APP: variants seen among roughly 807,000 people sequenced by gnomAD.
APP encodes the protein amyloid beta precursor protein.
A neutral mutation model predicts 101.4 loss-of-function variants in APP; 31 were observed. The ratio of observed to expected loss-of-function variants is 0.31; its 90% confidence interval spans 0.23 to 0.41. APP has a LOEUF of 0.41. APP is among the 10% of genes least tolerant of loss of function. The pLI is 1.00. For missense variants in APP, 839 were observed against 1,003.7 expected, an observed-to-expected ratio of 0.84 and a Z score of 2.22; for synonymous variants, 366 against 364.4, an observed-to-expected ratio of 1.00 and a Z score of -0.05.
chr21:26,017,296 C>CA (rs2044137372), intron 6 of APP, among the ~76,000 whole-genome samples: 2 of 143,934 alleles, frequency 1.4e-5, no homozygotes, highest in Non-Finnish European at 3.0e-5. Context: ...GGTTTAAAGA[C>CA]AGAGAATCAC....
At chr21:26,138,252 C>A (rs1008603653) in intron 1 of APP, among the ~76,000 whole-genome samples, 4 of 151,962 alleles carry the variant, frequency 2.6e-5, no homozygotes, top group African/African-American at 9.7e-5. Flanking sequence ...AAAATGTGGT[C>A]AATTTTTGAA....
At chr21:26,007,063 C>CT (rs1178496414) in intron 6 of APP, among the ~76,000 whole-genome samples, 1 of 151,656 alleles carries the variant, frequency 6.6e-6, no homozygotes, top group Non-Finnish European at 1.5e-5. Flanking sequence ...ATTTTCTGAA[C>CT]TTTTTTTTAA....
intron 13 of APP, among the ~76,000 whole-genome samples, chr21:25,931,109 T>C (rs2040126669): frequency 1.3e-5 from 2 of 152,220 alleles, no homozygotes; most frequent in Non-Finnish European, 2.9e-5. Flanking sequence ...CAATTTCTTT[T>C]CACTTGAAGG....
intron 1 of APP, among the ~76,000 whole-genome samples, chr21:26,148,575 A>G (rs2063201140): frequency 6.6e-6 from 1 of 152,224 alleles, no homozygotes; most frequent in Non-Finnish European, 1.5e-5. Flanking sequence ...AATGTTATCA[A>G]TGAAATGTTG....
intron 2 of APP, among the ~76,000 whole-genome samples, chr21:26,092,627 A>C (rs1289287714): frequency 6.6e-6 from 1 of 152,226 alleles, no homozygotes; most frequent in African/African-American, 2.4e-5. Flanking sequence ...ACATTTGTCC[A>C]AACCCAAAAA....
Position 26,022,423 on chromosome 21 carries a change from T to C in APP, c.663-381A>G, listed in dbSNP as rs1156817607. Among the ~76,000 whole-genome samples the C allele has an allele frequency of 2.0e-5, 3 of 152,136 alleles. No homozygotes were observed. The East Asian group carries it at 5.8e-4, about 29-fold the overall frequency. ...CGATACTGTCATAAGTAATAATAGATACACAGCATTAAGCATTTGTCAAAA... is the reference window on the plus strand; with the variant it reads ...CGATACTGTCATAAGTAATAATAGACACACAGCATTAAGCATTTGTCAAAA... On this transcript the variant is annotated intron_variant, in intron 5 of 17. Coordinates refer to ENST00000346798, the MANE Select transcript of APP (RefSeq NM_000484.4).
At chr21:26,113,692 G>A (rs1310337416) in intron 1 of APP, among the ~76,000 whole-genome samples, 1 of 152,156 alleles carries the variant, frequency 6.6e-6, no homozygotes, top group Non-Finnish European at 1.5e-5. Flanking sequence ...CACTTCCTGT[G>A]ACTTCCATGA....
intron 5 of APP, among the ~76,000 whole-genome samples, chr21:26,026,524 TA>T (rs149713497): frequency 0.021 from 3,207 of 152,364 alleles, 103 homozygotes; most frequent in African/African-American, 0.073. Flanking sequence ...TGCCGCCTGA[TA>T]AGTCCCTTTA....
chr21:26,116,668 A>G (rs1568994368), intron 1 of APP, among the ~76,000 whole-genome samples: 1 of 152,168 alleles, frequency 6.6e-6, no homozygotes, highest in Non-Finnish European at 1.5e-5. Context: ...CTGTTTTGCT[A>G]GCTGAGAGGT....
chr21:26,069,535 C>T (rs940464796), intron 3 of APP, among the ~76,000 whole-genome samples: 3 of 152,162 alleles, frequency 2.0e-5, no homozygotes, highest in African/African-American at 7.2e-5. Flanking sequence ...CATCACTGCA[C>T]ATATCACCAA....
intron 3 of APP, among the ~76,000 whole-genome samples, chr21:26,055,375 G>A (rs1568918441): frequency 6.6e-6 from 1 of 152,124 alleles, no homozygotes; most frequent in Non-Finnish European, 1.5e-5. Flanking sequence ...ACATGATAAT[G>A]CAAATGATAC....
chr21:25,904,348 CTG>C (rs1434436077), intron 15 of APP, among the ~76,000 whole-genome samples: 3 of 152,076 alleles, frequency 2.0e-5, no homozygotes, highest in African/African-American at 4.8e-5. Context: ...GTTTGTGAAA[CTG>C]TAAAAAAAGA....
At chr21:26,004,588 G>A (rs189590213) in intron 6 of APP, among the ~76,000 whole-genome samples, 2,038 of 152,098 alleles carry the variant, frequency 0.013, 49 homozygotes, top group African/African-American at 0.045. Context: ...CACCGCGCCC[G>A]GCCTCTATTA....
At chr21:26,168,958 C>T (rs2063677634) in intron 1 of APP, among the ~76,000 whole-genome samples, 1 of 152,082 alleles carries the variant, frequency 6.6e-6, no homozygotes, top group Non-Finnish European at 1.5e-5. Flanking sequence ...AAAACATCTG[C>T]CCGGAAATTG....
intron 13 of APP, among the ~76,000 whole-genome samples, chr21:25,930,697 A>G (rs2040109892): frequency 6.6e-6 from 1 of 152,184 alleles, no homozygotes; most frequent in Non-Finnish European, 1.5e-5. Flanking sequence ...ATTTATGCAG[A>G]TTTTAAAAAG....
At chr21:25,999,446 G>C (rs2043189130) in intron 7 of APP, among the ~76,000 whole-genome samples, 1 of 152,066 alleles carries the variant, frequency 6.6e-6, no homozygotes, top group African/African-American at 2.4e-5. Flanking sequence ...GGCAAGACGG[G>C]CACTTCTACC....
intron 5 of APP, among the ~76,000 whole-genome samples, chr21:26,039,201 C>T (rs1253978681): frequency 2.0e-5 from 3 of 152,134 alleles, no homozygotes; most frequent in Non-Finnish European, 2.9e-5. Context: ...TTATCTAACA[C>T]GTATTAACAT....
At chr21:25,910,109 A>G (rs1290599017) in intron 14 of APP, among the ~76,000 whole-genome samples, 1 of 151,906 alleles carries the variant, frequency 6.6e-6, no homozygotes, top group Admixed American at 6.6e-5. Context: ...GTTATAAGGT[A>G]TATATATTTT....
At position 25,897,655 on chromosome 21, in the gene APP, A is replaced by C; in HGVS notation, c.1982T>G (p.Ile661Ser). 1 of 1,613,676 alleles carries C rather than the reference A, an allele frequency of 6.2e-7. No individual in the cohort carries two copies. Among genetic ancestry groups the C allele is most frequent in the Non-Finnish European group, 8.5e-7 (1 of 1,179,640 alleles). Reference sequence around the variant, plus strand: ...CACTTCAGAGATCTCCTCCGTCTTGATATTTGTCAACCCAGAACCTGTATT... The same window carrying C: ...CACTTCAGAGATCTCCTCCGTCTTGCTATTTGTCAACCCAGAACCTGTATT... Reference protein sequence around the residue: ...TTRPGSGLTNIKTEEISEVKM... With the variant: ...TTRPGSGLTNSKTEEISEVKM... The change falls in exon 16 of 18, where the codon ATC (isoleucine) becomes AGC (serine). Residue 661 changes from isoleucine to serine, a missense_variant. Ile to Ser is a moderately radical substitution (Grantham distance 142). Coordinates refer to ENST00000346798, the MANE Select transcript of APP (RefSeq NM_000484.4).
Sources: allele counts gnomAD v4.1 joint callset (sites outside exome capture counted in the v4.1 genomes callset), GRCh38; gene constraint gnomAD v4.1.1; transcripts MANE v1.5; gene names NCBI Gene and HGNC (gene_info 2026-07-23, HGNC 2026-07-21).